AGBL1: variants seen among roughly 807,000 people sequenced by gnomAD.
The protein encoded by AGBL1 is AGBL carboxypeptidase 1.
A neutral mutation model predicts 118.9 loss-of-function variants in AGBL1; 130 were observed. The ratio of observed to expected loss-of-function variants is 1.09; its 90% CI spans 0.95 to 1.26. The LOEUF (loss-of-function observed/expected upper bound fraction) is 1.26. Among genes scored for constraint, AGBL1 ranks in the 50% most tolerant of loss-of-function variants. AGBL1 has a pLI of 0.00. For synonymous variants in AGBL1, 555 were observed against 478.9 expected (o/e 1.16, Z -2.08); for missense variants, 1,584 against 1,298.1 (o/e 1.22, Z -3.38).
chr15:86,355,887 A>G (rs1336856255), intron 17 of AGBL1, among the ~76,000 whole-genome samples: 4 of 152,084 alleles, frequency 2.6e-5, no homozygotes, highest in Non-Finnish European at 5.9e-5. Flanking sequence ...CCCAGAGAAA[A>G]CAGCTCCTGC....
At chr15:86,558,314 T>C (rs898501723) in intron 21 of AGBL1, among the ~76,000 whole-genome samples, 2 of 152,170 alleles carry the variant, frequency 1.3e-5, no homozygotes, top group Non-Finnish European at 2.9e-5. Flanking sequence ...GCCCCAAAGC[T>C]ATGGCTCCTC....
downstream of AGBL1, among the ~76,000 whole-genome samples, chr15:86,917,779 GGAGA>G (rs3030238): frequency 0.22 from 29,140 of 129,556 alleles, 3,130 homozygotes; most frequent in South Asian, 0.33. The surrounding 1 kb of genome is among the most constrained non-coding windows in gnomAD (Gnocchi z 4.8). Context: ...TGGGAGAGAA[GGAGA>G]GAGAGAGAAG....
chr15:86,325,945 C>A (rs76427193), intron 17 of AGBL1, among the ~76,000 whole-genome samples: 1 of 152,294 alleles, frequency 6.6e-6, no homozygotes, highest in African/African-American at 2.4e-5. Flanking sequence ...AAATTCCAAG[C>A]CTTCCTACAT....
At chr15:86,172,618 G>C (rs117615488) in intron 5 of AGBL1, among the ~76,000 whole-genome samples, 4 of 152,128 alleles carry the variant, frequency 2.6e-5, no homozygotes, top group Non-Finnish European at 5.9e-5. Flanking sequence ...TCTGTGTCTC[G>C]CTTATTTCAC....
At chr15:86,688,431 T>G (rs965891612) in intron 22 of AGBL1, among the ~76,000 whole-genome samples, 2 of 152,100 alleles carry the variant, frequency 1.3e-5, no homozygotes, top group Non-Finnish European at 2.9e-5. Context: ...CATATGCAAA[T>G]TAAGTTATCT....
chr15:86,169,577 A>C (rs1049295528), intron 5 of AGBL1, among the ~76,000 whole-genome samples: 1 of 152,254 alleles, frequency 6.6e-6, no homozygotes, highest in African/African-American at 2.4e-5. Context: ...CAATAGTCGC[A>C]TATAACTTAT....
intron 17 of AGBL1, among the ~76,000 whole-genome samples, chr15:86,306,065 G>A (rs942938692): frequency 6.6e-6 from 1 of 151,570 alleles, no homozygotes; most frequent in Non-Finnish European, 1.5e-5. Context: ...TATTTACGGT[G>A]CACATGAAAT....
rs549807702 is a variant in AGBL1 at position 86,151,017 on chromosome 15, A to G, written c.263-3413A>G. ...TGTCCTTTGTAGGGACATGGATGAA[A>G]TTGGAAATCATCATTCTCAGTAAAC... On this transcript the variant is annotated intron_variant, in intron 3 of 22. Transcript: ENST00000614907. Among the ~76,000 whole-genome samples, 3 of 152,236 alleles carry G rather than the reference A, an allele frequency of 2.0e-5. No individual in the cohort carries two copies. The South Asian group carries it at 6.2e-4, about 32-fold the overall frequency.
intron 17 of AGBL1, chr15:86,299,935 G>A (rs2079719345): frequency 6.6e-6 from 1 of 151,942 alleles, no homozygotes; most frequent in South Asian, 2.1e-4. Flanking sequence ...ATCTAATCCT[G>A]GAAAGAAGAA....
At chr15:86,228,939 T>C (rs1229543442) in intron 6 of AGBL1, among the ~76,000 whole-genome samples, 1 of 152,210 alleles carries the variant, frequency 6.6e-6, no homozygotes, top group African/African-American at 2.4e-5. Context: ...CTATGTAGGC[T>C]GGAATGGTCT....
chr15:86,265,770 C>G (rs986724469), intron 11 of AGBL1, among the ~76,000 whole-genome samples: 3 of 152,202 alleles, frequency 2.0e-5, no homozygotes, highest in Admixed American at 2.0e-4. Context: ...TCCACCTTTT[C>G]TTCACCCTTC....
At chr15:86,628,417 T>C (rs1263537659) in intron 21 of AGBL1, among the ~76,000 whole-genome samples, 4 of 152,336 alleles carry the variant, frequency 2.6e-5, no homozygotes, top group African/African-American at 9.6e-5. Flanking sequence ...ATGAGGGTCT[T>C]ACCTAGAACA....
intron 3 of AGBL1, among the ~76,000 whole-genome samples, chr15:86,149,695 A>G (rs1220684829): frequency 6.6e-6 from 1 of 152,182 alleles, no homozygotes; most frequent in Admixed American, 6.5e-5. Flanking sequence ...TTAACACCCC[A>G]TTGTCAATAT....
chr15:87,024,222 C>CTGAT (rs747194493), intron 24 of AGBL1, among the ~76,000 whole-genome samples: 6 of 151,722 alleles, frequency 4.0e-5, no homozygotes, highest in Non-Finnish European at 8.8e-5. Flanking sequence ...ATAAATGAAA[C>CTGAT]TGATAGACCA....
chr15:86,862,072 G>A (rs2079565893), intron 22 of AGBL1, among the ~76,000 whole-genome samples: 1 of 152,044 alleles, frequency 6.6e-6, no homozygotes, highest in South Asian at 2.1e-4. Context: ...AACCTCTATA[G>A]CATTGCTTTC....
chr15:86,836,352 G>A (rs117553731), intron 22 of AGBL1, among the ~76,000 whole-genome samples: 25 of 152,224 alleles, frequency 1.6e-4, no homozygotes, highest in African/African-American at 4.1e-4. Flanking sequence ...TCAGATCTTC[G>A]TCCTTTCAGT....
chr15:86,317,536 T>C lies in AGBL1; in HGVS notation c.2374+22128T>C, dbSNP rs368240231. On this transcript the variant is annotated intron_variant, in intron 17 of 22. Transcript: ENST00000614907. The stretch of plus-strand genomic sequence containing the variant: ...AATCGGCACCACTCCCTTGGGGTGA[T>C]GAACACCATGCACAATGAGGAAATA... Among the ~76,000 whole-genome samples, 34 of 152,302 alleles carry C rather than the reference T, an allele frequency of 2.2e-4. No homozygotes were observed. The South Asian group carries it at 7.0e-3, about 32-fold the overall frequency.
At chr15:86,246,980 A>ATTATTAT (rs1462099995) in intron 6 of AGBL1, among the ~76,000 whole-genome samples, 1 of 152,114 alleles carries the variant, frequency 6.6e-6, no homozygotes, top group Non-Finnish European at 1.5e-5. Context: ...CTCCCACACT[A>ATTATTAT]TTATTATTAT....
intron 22 of AGBL1, among the ~76,000 whole-genome samples, chr15:86,829,522 C>T (rs28489715): frequency 3.9e-5 from 6 of 152,044 alleles, no homozygotes; most frequent in African/African-American, 1.2e-4. Flanking sequence ...GAAGCAATAT[C>T]AGGCCTTCTA....
Sources: gnomAD v4.1 joint callset for allele counts (sites outside exome capture counted in the v4.1 genomes callset) on GRCh38, gnomAD v4.1.1 for gene constraint, Gnocchi (gnomAD v3.1) non-coding constraint, MANE v1.5 for transcripts, NCBI Gene and HGNC (gene_info 2026-07-23, HGNC 2026-07-21) for gene names.